The following PRLR variants were observed in gnomAD, a reference collection of about 807,000 sequenced individuals.
PRLR encodes the protein hPRL receptor.
A neutral mutation model predicts 40.2 loss-of-function variants in PRLR; 13 were observed. The observed-to-expected ratio is 0.32, with a 90% CI of 0.21 to 0.51. PRLR has a LOEUF of 0.51. Among genes scored for constraint, PRLR ranks in the 20% least tolerant of loss-of-function variants. The pLI is 0.97. For missense variants in PRLR, 656 were observed against 747.3 expected (o/e 0.88, Z 1.42); for synonymous variants, 269 against 278.7 (o/e 0.97, Z 0.35).
intron 2 of PRLR, among the ~76,000 whole-genome samples, chr5:35,100,423 G>A (rs912648058): frequency 5.3e-5 from 8 of 152,046 alleles, no homozygotes; most frequent in African/African-American, 1.9e-4. Context: ...CTTTATTCAT[G>A]GTAAGTACCC....
At chr5:35,226,058 T>C (rs1332161380) in intron 1 of PRLR, among the ~76,000 whole-genome samples, 1 of 152,208 alleles carries the variant, frequency 6.6e-6, no homozygotes, top group East Asian at 1.9e-4. Context: ...TACATCTCAA[T>C]ATGAAATAGC....
At chr5:35,167,803 G>C (rs1774886169) in intron 1 of PRLR, among the ~76,000 whole-genome samples, 1 of 151,694 alleles carries the variant, frequency 6.6e-6, no homozygotes, top group African/African-American at 2.4e-5. Flanking sequence ...TAATTAATAA[G>C]GTAACAAAGA....
chr5:35,174,087 G>GTT (rs58461577), intron 1 of PRLR, among the ~76,000 whole-genome samples: 19 of 137,340 alleles, frequency 1.4e-4, no homozygotes, highest in African/African-American at 2.2e-4. Flanking sequence ...TGGGTGTTCG[G>GTT]TTTTTTTTTT....
At chr5:35,104,140 A>G (rs1226364437) in intron 2 of PRLR, among the ~76,000 whole-genome samples, 1 of 152,240 alleles carries the variant, frequency 6.6e-6, no homozygotes, top group South Asian at 2.1e-4. Flanking sequence ...AGAATGAAGG[A>G]TGAGTAACCA....
rs70973025 is a variant in PRLR, at chr5:35,066,761, C to CTT, written c.856-661_856-660dup. On this transcript the variant is annotated intron_variant, in intron 9 of 9. Transcript: ENST00000618457. ...CTGCCTCCTCCTCTCACTCTTGCCT[C>CTT]TTTTTTTTTTTTTTTTTTTTGAGAC... Among the ~76,000 whole-genome samples, 312 of 116,588 alleles carry CTT rather than the reference C, an allele frequency of 2.7e-3. 3 individuals are homozygous for CTT. The highest frequency in any genetic ancestry group is 5.1e-3 in the African/African-American group (135 of 26,442). 76.5% of individuals were successfully genotyped at this position (116,588 alleles called of 152,430 possible).
At chr5:35,049,479 T>C in intron 8 of PRLR, 1 of 657,272 alleles carries the variant, frequency 1.5e-6, no homozygotes, top group Admixed American at 2.5e-5. Flanking sequence ...ATACCTCTTT[T>C]ATTTAAAAAG....
At chr5:35,151,762 A>G (rs1306454708) in intron 1 of PRLR, among the ~76,000 whole-genome samples, 1 of 152,202 alleles carries the variant, frequency 6.6e-6, no homozygotes, top group African/African-American at 2.4e-5. Context: ...ACATATGAAT[A>G]AGGAAGCCTC....
At position 35,061,755 on chromosome 5, in the gene PRLR, T is replaced by C. The variant is rs1375407988; in HGVS notation, c.*3334A>G. The C allele has an allele frequency of 6.6e-6, 1 of 152,160 alleles. No individual in the cohort carries two copies. The highest frequency in any genetic ancestry group is 1.5e-5 in the Non-Finnish European group (1 of 68,030). 9.4% of individuals were successfully genotyped at this position (152,160 alleles called of 1,614,324 possible). A position where few individuals can be genotyped will look rare whatever the true frequency, so the allele number is the denominator to read the frequency against. ...GCGCCTTAAAACTTGAATATTTAGG[T>C]ATTTGTTTATAAAAATACAACTTAT... On this transcript the variant is annotated 3_prime_UTR_variant, in exon 10 of 10. Coordinates refer to ENST00000618457, the MANE Select transcript of PRLR (RefSeq NM_000949.7).
At chr5:35,110,595 A>C (rs1470202381) in intron 2 of PRLR, among the ~76,000 whole-genome samples, 1 of 152,176 alleles carries the variant, frequency 6.6e-6, no homozygotes, top group African/African-American at 2.4e-5. Context: ...TCCTGCAATC[A>C]GCATCAGCTT....
At chr5:35,229,103 T>C (rs1776625747) in intron 1 of PRLR, among the ~76,000 whole-genome samples, 1 of 148,382 alleles carries the variant, frequency 6.7e-6, no homozygotes, top group African/African-American at 2.4e-5. Flanking sequence ...TCATTAAACA[T>C]TTATATATAT....
exon 9 of PRLR, chr5:35,049,025 G>T: frequency 1.9e-6 from 1 of 535,584 alleles, no homozygotes; most frequent in South Asian, 1.7e-5. Context: ...CATAGGAGGT[G>T]AAGGCACTAG....
chr5:35,154,260 A>T (rs1009996676), intron 1 of PRLR, among the ~76,000 whole-genome samples: 2 of 152,098 alleles, frequency 1.3e-5, no homozygotes, highest in African/African-American at 4.8e-5. Flanking sequence ...GGAAGCAAGG[A>T]CTCTGAAAGC....
At chr5:35,118,821 T>C (rs992456899) in intron 1 of PRLR, among the ~76,000 whole-genome samples, 2 of 151,318 alleles carry the variant, frequency 1.3e-5, no homozygotes, top group African/African-American at 4.8e-5. Context: ...GGTCTTACTG[T>C]GTCTCCCAGG....
chr5:35,108,203 A>G (rs1309004346), intron 2 of PRLR, among the ~76,000 whole-genome samples: 2 of 152,340 alleles, frequency 1.3e-5, no homozygotes, highest in East Asian at 1.9e-4. Flanking sequence ...TCAATAAACT[A>G]GGTATTGATG....
intron 1 of PRLR, among the ~76,000 whole-genome samples, chr5:35,176,988 G>A (rs997787977): frequency 1.3e-5 from 2 of 152,058 alleles, no homozygotes; most frequent in Non-Finnish European, 2.9e-5. Context: ...TGGGACCTGC[G>A]GGCAGCAATA....
At chr5:35,214,405 C>A (rs1184326504) in intron 1 of PRLR, among the ~76,000 whole-genome samples, 1 of 152,288 alleles carries the variant, frequency 6.6e-6, no homozygotes, top group African/African-American at 2.4e-5. Context: ...CCATGTGTTA[C>A]GCACTGCTCG....
chr5:35,207,150 T>C (rs1471380574), intron 1 of PRLR, among the ~76,000 whole-genome samples: 1 of 152,124 alleles, frequency 6.6e-6, no homozygotes, highest in East Asian at 1.9e-4. Flanking sequence ...ACTATTATCA[T>C]TGTTATTTAG....
At chr5:35,078,939 C>T (rs567880887) in intron 5 of PRLR, among the ~76,000 whole-genome samples, 13 of 152,296 alleles carry the variant, frequency 8.5e-5, no homozygotes, top group African/African-American at 1.9e-4. Context: ...ATCATAGAAA[C>T]AGAACCAAAG....
At chr5:35,171,341 G>C (rs1774991483) in intron 1 of PRLR, among the ~76,000 whole-genome samples, 1 of 152,154 alleles carries the variant, frequency 6.6e-6, no homozygotes, top group Non-Finnish European at 1.5e-5. Flanking sequence ...ATTGGATAGA[G>C]GTGTTATTCA....
Sources: allele counts gnomAD v4.1 joint callset (sites outside exome capture counted in the v4.1 genomes callset), GRCh38; gene constraint gnomAD v4.1.1; transcripts MANE v1.5; gene names NCBI Gene and HGNC (gene_info 2026-07-23, HGNC 2026-07-21).